CFAP61: variants seen among roughly 807,000 people sequenced by gnomAD.
CFAP61 encodes the protein cilia and flagella associated protein 61.
In CFAP61, 107 loss-of-function variants were observed where a neutral mutation model predicts 135.6. The observed-to-expected ratio is 0.79, with a 90% confidence interval of 0.67 to 0.93. CFAP61 has a LOEUF of 0.93. Ranked by LOEUF, CFAP61 falls within the 40% of genes least tolerant of loss-of-function variation. CFAP61 has a pLI of 0.00. For synonymous variants in CFAP61, 575 were observed against 578.5 expected (o/e 0.99, Z 0.09); for missense variants, 1,507 against 1,556.2 (o/e 0.97, Z 0.53).
At chr20:20,331,547 G>T (rs148587912) in intron 25 of CFAP61, among the ~76,000 whole-genome samples, 102 of 152,162 alleles carry the variant, frequency 6.7e-4, no homozygotes, top group African/African-American at 2.1e-3. Flanking sequence ...AACATGGTGT[G>T]TGTGTTCTGT....
At chr20:20,112,719 G>A (rs531952119) in intron 8 of CFAP61, among the ~76,000 whole-genome samples, 4 of 152,242 alleles carry the variant, frequency 2.6e-5, no homozygotes, top group Admixed American at 1.3e-4. Flanking sequence ...CTGATTGTTC[G>A]AATGTTTTCA....
chr20:20,059,163 A>G (rs1264367142), intron 2 of CFAP61, among the ~76,000 whole-genome samples: 1 of 151,834 alleles, frequency 6.6e-6, no homozygotes, highest in Non-Finnish European at 1.5e-5. Context: ...CCCCATCTCT[A>G]CTAAAAATAC....
At chr20:20,131,925 GT>G (rs995599333) in intron 8 of CFAP61, among the ~76,000 whole-genome samples, 2 of 151,730 alleles carry the variant, frequency 1.3e-5, no homozygotes, top group African/African-American at 2.4e-5. Flanking sequence ...GAATGTTCTT[GT>G]TTTTTTATTT....
chr20:20,202,480 C>G (rs552497552), intron 17 of CFAP61, among the ~76,000 whole-genome samples: 1 of 152,084 alleles, frequency 6.6e-6, no homozygotes, highest in African/African-American at 2.4e-5. Flanking sequence ...CCATAATCCC[C>G]ATGGAATGGG....
intron 26 of CFAP61, among the ~76,000 whole-genome samples, chr20:20,355,238 T>G (rs149345069): frequency 0.098 from 11,276 of 114,510 alleles, 589 homozygotes; most frequent in East Asian, 0.24. Flanking sequence ...TAAGGGGAGG[T>G]GGTCACACTG....
At chr20:20,336,564 G>A (rs1156233973) in intron 25 of CFAP61, among the ~76,000 whole-genome samples, 2 of 151,962 alleles carry the variant, frequency 1.3e-5, no homozygotes, top group Non-Finnish European at 2.9e-5. Context: ...GTTTGAGGCT[G>A]CAGCGAGCTA....
chr20:20,179,910 CTA>C (rs1396789836), intron 13 of CFAP61, among the ~76,000 whole-genome samples: 1 of 152,092 alleles, frequency 6.6e-6, no homozygotes, highest in East Asian at 1.9e-4. Context: ...AAACACAAAA[CTA>C]TAAAAACCCT....
chr20:20,314,518 T>A (rs6112861), intron 25 of CFAP61, among the ~76,000 whole-genome samples: 31,249 of 150,512 alleles, frequency 0.21, 4,433 homozygotes, highest in African/African-American at 0.39. Context: ...TTTGTTTTTT[T>A]TTATTATTAT....
At chr20:20,151,537 G>A (rs755154542) in intron 9 of CFAP61, among the ~76,000 whole-genome samples, 1 of 152,020 alleles carries the variant, frequency 6.6e-6, no homozygotes, top group Non-Finnish European at 1.5e-5. Context: ...AATATAAGAA[G>A]CTCAAAGGGC....
chr20:20,309,865 G>A (rs1475919314), intron 25 of CFAP61, among the ~76,000 whole-genome samples: 3 of 152,124 alleles, frequency 2.0e-5, no homozygotes, highest in East Asian at 3.8e-4. Context: ...TGTTTTATTA[G>A]TATTCAAAGC....
chr20:20,234,326 CA>C (rs2049407162), intron 18 of CFAP61, among the ~76,000 whole-genome samples: 1 of 152,184 alleles, frequency 6.6e-6, no homozygotes, highest in African/African-American at 2.4e-5. Context: ...GAGTAGGCCC[CA>C]GCACTATCTC....
At chr20:20,164,251 G>GCTGT in intron 11 of CFAP61, 23 bp downstream of exon 11, 1 of 1,585,310 alleles carries the variant, frequency 6.3e-7, no homozygotes, top group Non-Finnish European at 8.6e-7. Context: ...CTTCTGGCTG[G>GCTGT]CTGTCACAGT....
chr20:20,315,105 T>A (rs1410286960), intron 25 of CFAP61, among the ~76,000 whole-genome samples: 1 of 145,170 alleles, frequency 6.9e-6, no homozygotes, highest in African/African-American at 2.6e-5. Context: ...CCCTGAGGAA[T>A]CACCACACTG....
chr20:20,095,181 C>T (rs1409063312), intron 7 of CFAP61, among the ~76,000 whole-genome samples: 1 of 151,934 alleles, frequency 6.6e-6, no homozygotes, highest in African/African-American at 2.4e-5. Flanking sequence ...TAATGGCTAG[C>T]TACTGCGCAT....
At chr20:20,180,602 C>T (rs1291617220) in intron 13 of CFAP61, among the ~76,000 whole-genome samples, 5 of 152,116 alleles carry the variant, frequency 3.3e-5, no homozygotes, top group African/African-American at 7.2e-5. Context: ...GACAGTGTGA[C>T]GACTCCTCAA....
intron 25 of CFAP61, among the ~76,000 whole-genome samples, chr20:20,300,836 C>T (rs554638596): frequency 6.6e-6 from 1 of 152,158 alleles, no homozygotes; most frequent in South Asian, 2.1e-4. Flanking sequence ...GAATTACCAA[C>T]CTCAGGTGAT....
intron 22 of CFAP61, among the ~76,000 whole-genome samples, chr20:20,277,749 CGCTCAT>C (rs2053882916): frequency 6.6e-6 from 1 of 152,198 alleles, no homozygotes; most frequent in South Asian, 2.1e-4. Flanking sequence ...CACTTGAGGT[CGCTCAT>C]GCGGCTGAAG....
At chr20:20,180,487 G>C (rs1009233710) in intron 13 of CFAP61, among the ~76,000 whole-genome samples, 1 of 152,006 alleles carries the variant, frequency 6.6e-6, no homozygotes, top group Non-Finnish European at 1.5e-5. Flanking sequence ...ACACCAGTCA[G>C]AATGGCTATT....
At chr20:20,274,490 G>A (rs760483740) in intron 21 of CFAP61, among the ~76,000 whole-genome samples, 1 of 152,024 alleles carries the variant, frequency 6.6e-6, no homozygotes, top group Non-Finnish European at 1.5e-5. Flanking sequence ...TCAAAACTTC[G>A]TCTCTACTAA....
Sources: gnomAD v4.1 joint callset for allele counts (sites outside exome capture counted in the v4.1 genomes callset) on GRCh38, gnomAD v4.1.1 for gene constraint, MANE v1.5 for transcripts, NCBI Gene and HGNC (gene_info 2026-07-23, HGNC 2026-07-21) for gene names.